SNX6: variants seen among roughly 807,000 people sequenced by gnomAD.
The protein encoded by SNX6 is sorting nexin-6.
Under a neutral mutation model 63.0 loss-of-function variants are expected in SNX6, and 34 were observed. The ratio of observed to expected loss-of-function variants is 0.54; its 90% CI spans 0.41 to 0.72. The LOEUF is 0.72. Among genes scored for constraint, SNX6 ranks in the 30% least tolerant of loss-of-function variants. The probability of loss-of-function intolerance (pLI) is 0.00; values close to 1 mark genes in which losing one functional copy is unlikely to be tolerated. For synonymous variants in SNX6, 170 were observed against 164.2 expected (o/e 1.04, Z -0.27); for missense variants, 398 against 471.4 (o/e 0.84, Z 1.44).
chr14:34,596,632 AAG>A (rs1471536940), intron 7 of SNX6, among the ~76,000 whole-genome samples: 2 of 150,592 alleles, frequency 1.3e-5, no homozygotes, highest in African/African-American at 2.4e-5. Context: ...AAAAAAAAAA[AAG>A]AGAGAGAGAG....
At chr14:34,607,405 G>A (rs906129163) in intron 4 of SNX6, among the ~76,000 whole-genome samples, 7 of 151,634 alleles carry the variant, frequency 4.6e-5, no homozygotes, top group Admixed American at 2.6e-4. Flanking sequence ...TCAGGAGTTC[G>A]AGACCAGCCT....
intron 5 of SNX6, chr14:34,604,085 G>C: frequency 8.7e-7 from 1 of 1,153,474 alleles, no homozygotes. Flanking sequence ...CAAGGAAAAG[G>C]CTTGATATTC....
intron 7 of SNX6, among the ~76,000 whole-genome samples, chr14:34,593,574 CTTT>C (rs397852358): frequency 9.9e-5 from 13 of 131,638 alleles, no homozygotes; most frequent in Admixed American, 3.1e-4. Flanking sequence ...AATTTCTTTT[CTTT>C]TTTTTTTTTT....
intron 8 of SNX6, 59 bp from the exon 9 acceptor site, chr14:34,586,364 G>A (rs532931725): frequency 2.6e-5 from 28 of 1,084,672 alleles, no homozygotes; most frequent in Non-Finnish European, 3.8e-5. Flanking sequence ...AATACTTACT[G>A]AGCAATTACC....
intron 9 of SNX6, among the ~76,000 whole-genome samples, chr14:34,584,278 T>C (rs1882060720): frequency 6.6e-6 from 1 of 152,070 alleles, no homozygotes; most frequent in African/African-American, 2.4e-5. Flanking sequence ...ACTATGAAAA[T>C]AGTTTTCCTG....
At chr14:34,580,161 G>T (rs1199365763) in intron 10 of SNX6, among the ~76,000 whole-genome samples, 1 of 152,150 alleles carries the variant, frequency 6.6e-6, no homozygotes, top group Non-Finnish European at 1.5e-5. Context: ...CCTCCGGCCT[G>T]GGTGAAAGAG....
At chr14:34,628,602 C>T (rs1173962963) in intron 2 of SNX6, among the ~76,000 whole-genome samples, 1 of 152,142 alleles carries the variant, frequency 6.6e-6, no homozygotes, top group African/African-American at 2.4e-5. Flanking sequence ...GCACTCCAGC[C>T]TGGGCAACAA....
At chr14:34,588,585 C>G (rs72675208) in intron 8 of SNX6, among the ~76,000 whole-genome samples, 1 of 152,048 alleles carries the variant, frequency 6.6e-6, no homozygotes, top group African/African-American at 2.4e-5. Flanking sequence ...GCATAAAAAA[C>G]CAAATAATCA....
intron 11 of SNX6, among the ~76,000 whole-genome samples, chr14:34,574,725 AT>A (rs141270578): frequency 3.2e-4 from 47 of 146,530 alleles, no homozygotes; most frequent in Middle Eastern, 6.9e-3. Flanking sequence ...TACCAAATTC[AT>A]TTTTTTTTTA....
At chr14:34,567,658 A>C (rs1320677050) in intron 13 of SNX6, 28 bp downstream of exon 13, 2 of 1,545,940 alleles carry the variant, frequency 1.3e-6, no homozygotes, top group African/African-American at 2.7e-5. Flanking sequence ...ATGTAACTTA[A>C]ATTATTAAAT....
intron 3 of SNX6, among the ~76,000 whole-genome samples, chr14:34,609,070 A>G (rs1270854387): frequency 6.6e-6 from 1 of 152,146 alleles, no homozygotes; most frequent in Non-Finnish European, 1.5e-5. Flanking sequence ...CAGTAATTTG[A>G]CTAACAGAAA....
chr14:34,609,120 C>G (rs1883125711), intron 3 of SNX6, among the ~76,000 whole-genome samples: 1 of 151,958 alleles, frequency 6.6e-6, no homozygotes, highest in Admixed American at 6.6e-5. Context: ...GTAAAAGATA[C>G]TAATAAAAAT....
chr14:34,570,387 A>T (rs1356445563), intron 11 of SNX6, among the ~76,000 whole-genome samples: 6 of 129,620 alleles, frequency 4.6e-5, no homozygotes, highest in Admixed American at 2.3e-4. Flanking sequence ...TTTTTTTTTT[A>T]AATGAAGGCC....
intron 13 of SNX6, among the ~76,000 whole-genome samples, chr14:34,567,098 C>A (rs145994982): frequency 2.0e-5 from 3 of 151,900 alleles, no homozygotes; most frequent in African/African-American, 7.3e-5. Flanking sequence ...GTGGCACGCA[C>A]CTGTAGTCCT....
rs865983677 is a variant in SNX6, at chr14:34,572,193, T to C, written c.921+3563A>G. On this transcript the variant is annotated intron_variant, in intron 11 of 13. Transcript: ENST00000362031. The stretch of plus-strand genomic sequence containing the variant: ...TCTAATTAAGGTGTACAGTGATACC[T>C]TGTTGTAGTTTTAATTCTGACAACT... Among the ~76,000 whole-genome samples the C allele has an allele frequency of 3.3e-5, 5 of 152,332 alleles. No homozygotes were observed. The South Asian group carries it at 8.3e-4, about 25-fold the overall frequency.
intron 2 of SNX6, chr14:34,629,597 T>C (rs1455961842): frequency 3.1e-6 from 2 of 635,018 alleles, no homozygotes; most frequent in African/African-American, 3.6e-5. Context: ...GTGGGGGCGT[T>C]CCATCTCCCG....
At chr14:34,576,119 G>A (rs1881689113) in intron 10 of SNX6, among the ~76,000 whole-genome samples, 1 of 151,506 alleles carries the variant, frequency 6.6e-6, no homozygotes. Flanking sequence ...TAGAGACGGG[G>A]TTTCACCATG....
intron 2 of SNX6, among the ~76,000 whole-genome samples, chr14:34,614,757 A>C (rs926156422): frequency 6.6e-6 from 1 of 152,184 alleles, no homozygotes; most frequent in African/African-American, 2.4e-5. Flanking sequence ...TCTCTACAAA[A>C]TAAAAAAATT....
At chr14:34,603,232 C>A in intron 6 of SNX6, 116 bp downstream of exon 6, 4 of 973,406 alleles carry the variant, frequency 4.1e-6, no homozygotes, top group Non-Finnish European at 5.7e-6. Flanking sequence ...GAGCCAAGAT[C>A]ATGCCACTAT....
Sources: allele counts gnomAD v4.1 joint callset (sites outside exome capture counted in the v4.1 genomes callset), GRCh38; gene constraint gnomAD v4.1.1; transcripts MANE v1.5; gene names NCBI Gene and HGNC (gene_info 2026-07-23, HGNC 2026-07-21).